Variants in PRKCA observed in about 807,000 individuals in gnomAD.
The protein encoded by PRKCA is protein kinase C alpha.
A neutral mutation model predicts 87.0 loss-of-function variants in PRKCA; 27 were observed. The ratio of observed to expected loss-of-function variants is 0.31; its 90% CI spans 0.23 to 0.43. The LOEUF is 0.43. Among genes scored for constraint, PRKCA ranks in the 20% least tolerant of loss-of-function variants. The probability of loss-of-function intolerance (pLI) is 1.00; values close to 1 mark genes in which losing one functional copy is unlikely to be tolerated. For synonymous variants in PRKCA, 329 were observed against 311.1 expected (o/e 1.06, Z -0.61); for missense variants, 518 against 852.3 (o/e 0.61, Z 4.88).
chr17:66,669,513 T>C (rs1972121514), intron 5 of PRKCA, among the ~76,000 whole-genome samples: 1 of 152,174 alleles, frequency 6.6e-6, no homozygotes, highest in Non-Finnish European at 1.5e-5. Context: ...AAAGAAGCAC[T>C]AATTCAATAT....
intron 3 of PRKCA, among the ~76,000 whole-genome samples, chr17:66,620,618 G>T (rs1404248987): frequency 3.3e-5 from 5 of 152,198 alleles, no homozygotes; most frequent in African/African-American, 4.8e-5. Context: ...TTGGTCAGAG[G>T]CCTAGCAGTG....
intron 2 of PRKCA, among the ~76,000 whole-genome samples, chr17:66,327,752 A>G (rs9910946): frequency 0.18 from 27,758 of 152,062 alleles, 2,994 homozygotes; most frequent in African/African-American, 0.29. Context: ...TAATATGACA[A>G]GTTTAGAGGA....
chr17:66,377,467 A>G (rs555241233), intron 2 of PRKCA, among the ~76,000 whole-genome samples: 2 of 150,814 alleles, frequency 1.3e-5, no homozygotes, highest in Non-Finnish European at 2.9e-5. Flanking sequence ...GCTTTTATAT[A>G]TATAGATATA....
intron 2 of PRKCA, among the ~76,000 whole-genome samples, chr17:66,382,789 T>G (rs1909836433): frequency 6.6e-6 from 1 of 152,086 alleles, no homozygotes. Context: ...TGGCGTCTAG[T>G]GGGTAGAGGT....
At chr17:66,658,483 G>A (rs1411378098) in intron 5 of PRKCA, among the ~76,000 whole-genome samples, 2 of 128,698 alleles carry the variant, frequency 1.6e-5, no homozygotes, top group Middle Eastern at 3.4e-3. Flanking sequence ...GCAAAACTCT[G>A]TCTTCAAAAA....
At chr17:66,425,258 CCTT>C (rs1299123888) in intron 2 of PRKCA, among the ~76,000 whole-genome samples, 1 of 152,094 alleles carries the variant, frequency 6.6e-6, no homozygotes, top group Admixed American at 6.5e-5. Flanking sequence ...CCTGCGAGAC[CCTT>C]CTTCTCCCAC....
At position 66,786,949 on chromosome 17, in the gene PRKCA, A is replaced by G. The variant is rs1205271820; in HGVS notation, c.1688A>G (p.Lys563Arg). 1 of 1,613,522 alleles carries G rather than the reference A, an allele frequency of 6.2e-7. No individual in the cohort carries two copies. The highest frequency in any genetic ancestry group is 1.3e-5 in the African/African-American group (1 of 75,040). The change falls in exon 15 of 17, where the codon AAG becomes AGG. Residue 563 changes from lysine (K) to arginine (R), a missense_variant. Coordinates refer to ENST00000413366, the MANE Select transcript of PRKCA (RefSeq NM_002737.3). ...GTTTCCTATCCAAAATCCTTGTCCAAGGAGGCTGTTTCTGTCTGCAAAGGA... is the reference window on the plus strand; with the variant it reads ...GTTTCCTATCCAAAATCCTTGTCCAGGGAGGCTGTTTCTGTCTGCAAAGGA... The part of the protein sequence containing the change: ...HNVSYPKSLS[K>R]EAVSVCKGLM...
At chr17:66,374,610 G>A (rs1488783356) in intron 2 of PRKCA, among the ~76,000 whole-genome samples, 3 of 152,132 alleles carry the variant, frequency 2.0e-5, no homozygotes, top group African/African-American at 7.2e-5. Flanking sequence ...CACTGTTAAA[G>A]GGAGCAGGCT....
rs548118362 is a variant in PRKCA at position 66,790,543 on chromosome 17, C to T, written c.1854+1564C>T. ...CTGTTAGGGATTATTTTTTTTTCCT[C>T]TTCTGCCTTTAATATTTATTTGTTG... On this transcript the variant is annotated intron_variant, in intron 16 of 16. Coordinates refer to ENST00000413366, the MANE Select transcript of PRKCA (RefSeq NM_002737.3). Among the ~76,000 whole-genome samples, 4 of 151,938 alleles carry T rather than the reference C, an allele frequency of 2.6e-5. No individual in the cohort carries two copies. In the South Asian group the frequency reaches 8.3e-4, roughly 32 times the overall value.
At chr17:66,356,197 C>A (rs755755173) in intron 2 of PRKCA, among the ~76,000 whole-genome samples, 1 of 152,082 alleles carries the variant, frequency 6.6e-6, no homozygotes, top group Non-Finnish European at 1.5e-5. Context: ...CCACGCCCAT[C>A]GGTGATTTTT....
intron 2 of PRKCA, among the ~76,000 whole-genome samples, chr17:66,429,320 T>C (rs541356697): frequency 6.7e-4 from 102 of 152,212 alleles, no homozygotes; most frequent in Non-Finnish European, 1.3e-3. Flanking sequence ...ATCGTTGGGT[T>C]TCATGAACGT....
intron 2 of PRKCA, among the ~76,000 whole-genome samples, chr17:66,427,629 G>T (rs573365963): frequency 6.6e-6 from 1 of 152,210 alleles, no homozygotes; most frequent in Non-Finnish European, 1.5e-5. Flanking sequence ...TAGAGCTGTT[G>T]TGCTGTCAGG....
chr17:66,406,327 G>A (rs1159885498), intron 2 of PRKCA, among the ~76,000 whole-genome samples: 1 of 152,154 alleles, frequency 6.6e-6, no homozygotes, highest in Non-Finnish European at 1.5e-5. Context: ...GCTCTAAAAA[G>A]AAAGTTTCAT....
At chr17:66,695,236 C>G (rs1258210327) in intron 8 of PRKCA, among the ~76,000 whole-genome samples, 1 of 151,824 alleles carries the variant, frequency 6.6e-6, no homozygotes. Flanking sequence ...GGGCAAATAA[C>G]CCCAGCCATG....
intron 16 of PRKCA, among the ~76,000 whole-genome samples, chr17:66,798,174 CTT>C (rs1975712877): frequency 6.6e-6 from 1 of 152,228 alleles, no homozygotes; most frequent in African/African-American, 2.4e-5. Flanking sequence ...CCTTTAGCCT[CTT>C]TGCTTCTTCT....
At chr17:66,726,086 A>C (rs1036722321) in intron 8 of PRKCA, among the ~76,000 whole-genome samples, 1 of 152,126 alleles carries the variant, frequency 6.6e-6, no homozygotes, top group Non-Finnish European at 1.5e-5. Context: ...CTCCCTCTGC[A>C]GGAGTGGTCT....
At chr17:66,487,148 C>T (rs1916020208) in intron 2 of PRKCA, among the ~76,000 whole-genome samples, 1 of 152,174 alleles carries the variant, frequency 6.6e-6, no homozygotes, top group African/African-American at 2.4e-5. Context: ...TGTCTAACTG[C>T]ATTTTTGAGC....
At chr17:66,502,853 GT>G (rs1916802587) in intron 3 of PRKCA, among the ~76,000 whole-genome samples, 1 of 151,796 alleles carries the variant, frequency 6.6e-6, no homozygotes, top group Non-Finnish European at 1.5e-5. Context: ...TAGAGACAGG[GT>G]TTCACCATGT....
At chr17:66,354,248 A>G (rs78244282) in intron 2 of PRKCA, among the ~76,000 whole-genome samples, 1,727 of 152,306 alleles carry the variant, frequency 0.011, 42 homozygotes, top group African/African-American at 0.039. Flanking sequence ...CCAGGACTCA[A>G]ACTTAAGAAA....
Sources: gnomAD v4.1 joint callset for allele counts (sites outside exome capture counted in the v4.1 genomes callset) on GRCh38, gnomAD v4.1.1 for gene constraint, MANE v1.5 for transcripts, NCBI Gene and HGNC (gene_info 2026-07-23, HGNC 2026-07-21) for gene names.